CHSY3: variants seen among roughly 807,000 people sequenced by gnomAD.
CHSY3 encodes chondroitin sulfate synthase 3.
CHSY3 carries 35 observed loss-of-function variants against 67.2 expected under a neutral mutation model. The ratio of observed to expected loss-of-function variants is 0.52; its 90% CI spans 0.40 to 0.69. The LOEUF is 0.69. Among genes scored for constraint, CHSY3 ranks in the 30% least tolerant of loss-of-function variants. The pLI is 0.00. For synonymous variants in CHSY3, 474 were observed against 434.7 expected (o/e 1.09, Z -1.12); for missense variants, 1,069 against 1,138.5 (o/e 0.94, Z 0.88).
intron 2 of CHSY3, among the ~76,000 whole-genome samples, chr5:129,938,286 C>G (rs1761575110): frequency 1.3e-5 from 2 of 152,208 alleles, no homozygotes; most frequent in Non-Finnish European, 2.9e-5. Flanking sequence ...GCCTCCAGGC[C>G]TGTGATGGGA....
chr5:129,916,881 G>A (rs1023317242), intron 2 of CHSY3, among the ~76,000 whole-genome samples: 3 of 149,778 alleles, frequency 2.0e-5, no homozygotes, highest in African/African-American at 4.9e-5. Context: ...CTTCTAAATT[G>A]TTTTTTTTTC....
chr5:129,937,111 A>T (rs1761520131), intron 2 of CHSY3, among the ~76,000 whole-genome samples: 1 of 152,178 alleles, frequency 6.6e-6, no homozygotes, highest in Non-Finnish European at 1.5e-5. Context: ...ATATTTGTCC[A>T]TTCTCATACT....
chr5:130,071,379 G>A (rs1021581427), intron 2 of CHSY3, among the ~76,000 whole-genome samples: 6 of 152,022 alleles, frequency 3.9e-5, no homozygotes, highest in Non-Finnish European at 5.9e-5. Flanking sequence ...TTTGTATTCT[G>A]TCAAAAGAAG....
At chr5:130,142,925 A>G (rs766802628) in intron 2 of CHSY3, among the ~76,000 whole-genome samples, 24 of 152,164 alleles carry the variant, frequency 1.6e-4, no homozygotes, top group Admixed American at 1.3e-3. Context: ...GAGCCAGAGG[A>G]AAGGGAGCCA....
chr5:130,172,127 AT>A (rs372990132), intron 2 of CHSY3, among the ~76,000 whole-genome samples: 25 of 150,342 alleles, frequency 1.7e-4, no homozygotes, highest in African/African-American at 5.9e-4. Flanking sequence ...AAAGGCAACC[AT>A]TTTTTTTTCC....
chr5:130,135,086 C>T (rs917752969), intron 2 of CHSY3, among the ~76,000 whole-genome samples: 6 of 151,948 alleles, frequency 3.9e-5, no homozygotes, highest in African/African-American at 1.5e-4. Context: ...TATACACACA[C>T]ATATATACGT....
intron 2 of CHSY3, among the ~76,000 whole-genome samples, chr5:130,156,236 A>C (rs1769372380): frequency 6.6e-6 from 1 of 152,138 alleles, no homozygotes; most frequent in Non-Finnish European, 1.5e-5. Context: ...AAAATCCATA[A>C]AAATTTGGTT....
intron 2 of CHSY3, among the ~76,000 whole-genome samples, chr5:129,983,566 C>A (rs879472755): frequency 6.6e-6 from 1 of 151,988 alleles, no homozygotes; most frequent in Non-Finnish European, 1.5e-5. Flanking sequence ...CCTTTTCATT[C>A]TTCTCTGATA....
intron 2 of CHSY3, among the ~76,000 whole-genome samples, chr5:130,018,277 TA>T (rs1488460459): frequency 6.6e-6 from 1 of 152,200 alleles, no homozygotes; most frequent in Non-Finnish European, 1.5e-5. Flanking sequence ...TTCACTATCT[TA>T]GTGAAATATA....
chr5:130,032,340 A>G (rs1764726324), intron 2 of CHSY3, among the ~76,000 whole-genome samples: 1 of 152,148 alleles, frequency 6.6e-6, no homozygotes, highest in Non-Finnish European at 1.5e-5. Flanking sequence ...ATGTATTATC[A>G]TTTCTACTAA....
upstream of CHSY3, among the ~76,000 whole-genome samples, chr5:129,904,194 A>G (rs1176340350): frequency 6.9e-6 from 1 of 145,418 alleles, no homozygotes; most frequent in African/African-American, 2.6e-5. Flanking sequence ...GGAGGAGGGA[A>G]GAGGGGGCGT....
rs139921097 is a variant in CHSY3 at position 130,131,554 on chromosome 5, A to G, written c.1087-52675A>G. Among the ~76,000 whole-genome samples the G allele has an allele frequency of 1.8e-3, 275 of 152,256 alleles. 2 individuals are homozygous for G. The highest frequency in any genetic ancestry group is 6.5e-3 in the African/African-American group (271 of 41,550). ...ACCATCCTATATGGTAAATACTACT[A>G]ATATAGTCATTGAATAGACAAGGAA... On this transcript the variant is annotated intron_variant, in intron 2 of 2. Transcript: ENST00000305031.
At chr5:129,952,067 A>G (rs1443581826) in intron 2 of CHSY3, among the ~76,000 whole-genome samples, 2 of 152,210 alleles carry the variant, frequency 1.3e-5, no homozygotes, top group African/African-American at 2.4e-5. Context: ...ATAAGAACCC[A>G]TAAATATTCA....
intron 2 of CHSY3, among the ~76,000 whole-genome samples, chr5:130,059,348 A>G (rs1369908986): frequency 1.3e-5 from 2 of 151,628 alleles, no homozygotes; most frequent in East Asian, 3.9e-4. Context: ...AGTTGTGGGA[A>G]CTAATTCCTT....
At chr5:130,174,987 G>A (rs1367124948) in intron 2 of CHSY3, among the ~76,000 whole-genome samples, 1 of 151,996 alleles carries the variant, frequency 6.6e-6, no homozygotes, top group East Asian at 1.9e-4. Context: ...ATAATAGTGG[G>A]GTGTTAAGTC....
intron 2 of CHSY3, among the ~76,000 whole-genome samples, chr5:130,155,228 A>C (rs1769343818): frequency 6.6e-6 from 1 of 152,220 alleles, no homozygotes; most frequent in African/African-American, 2.4e-5. Flanking sequence ...TTTTCTTTGT[A>C]TAGTAAACGT....
chr5:129,986,506 C>T (rs1763206464), intron 2 of CHSY3, among the ~76,000 whole-genome samples: 2 of 151,908 alleles, frequency 1.3e-5, no homozygotes, highest in South Asian at 4.2e-4. Context: ...CATGTTTCTG[C>T]CAGGTTTTGC....
intron 2 of CHSY3, among the ~76,000 whole-genome samples, chr5:130,084,259 G>A (rs753689839): frequency 1.9e-4 from 29 of 151,898 alleles, no homozygotes; most frequent in African/African-American, 6.8e-4. Context: ...ACTTTTAAAC[G>A]GTGACTATAG....
chr5:129,935,168 A>G lies in CHSY3; in HGVS notation c.1086+26808A>G, dbSNP rs572349439. Among the ~76,000 whole-genome samples, 9 of 152,316 alleles carry G rather than the reference A, an allele frequency of 5.9e-5. No homozygotes were observed. In the East Asian group the frequency reaches 1.7e-3, roughly 29 times the overall value. On this transcript the variant is annotated intron_variant, in intron 2 of 2. Transcript: ENST00000305031. ...ACATTTCTGAGGTAAACATTCTGAA[A>G]TTTTATTTTGTTTTGAGCAGTCCCT...
Sources: allele counts gnomAD v4.1 joint callset (sites outside exome capture counted in the v4.1 genomes callset), GRCh38; gene constraint gnomAD v4.1.1; transcripts MANE v1.5; gene names NCBI Gene and HGNC (gene_info 2026-07-23, HGNC 2026-07-21).